LRTM2: variants seen among roughly 807,000 people sequenced by gnomAD.
LRTM2 encodes the protein leucine-rich repeat and transmembrane domain-containing protein 2.
LRTM2 carries 18 observed loss-of-function variants against 28.1 expected under a neutral mutation model. The observed-to-expected ratio is 0.64, with a 90% CI of 0.44 to 0.95. The LOEUF (loss-of-function observed/expected upper bound fraction) is 0.95, where lower values mean the gene tolerates loss of function less well. Among genes scored for constraint, LRTM2 ranks in the 40% least tolerant of loss-of-function variants. The pLI, the probability that LRTM2 is intolerant of heterozygous loss-of-function variation, is 0.00. For missense variants in LRTM2, 436 were observed against 497.2 expected, an observed-to-expected ratio of 0.88 and a Z score of 1.17; for synonymous variants, 250 against 218.7, an observed-to-expected ratio of 1.14 and a Z score of -1.26.
intron 4 of LRTM2, 101 bp downstream of exon 4, chr12:1,831,626 C>A: frequency 9.5e-7 from 1 of 1,056,618 alleles, no homozygotes; most frequent in Non-Finnish European, 1.4e-6. Flanking sequence ...GAGAGCAGGC[C>A]AGGGGAAAGA....
chr12:1,831,554 G>C (rs199876665), intron 4 of LRTM2, 29 bp downstream of exon 4: 1 of 1,568,116 alleles, frequency 6.4e-7, no homozygotes, highest in Admixed American at 1.7e-5. Flanking sequence ...GCTGGGGCCC[G>C]AGGGATTGGG....
chr12:1,831,652 C>T (rs968524561), intron 4 of LRTM2, 127 bp downstream of exon 4: 7 of 761,866 alleles, frequency 9.2e-6, no homozygotes, highest in South Asian at 9.0e-5. Context: ...GCGACCCTGC[C>T]TCTGTGCCAG....
chr12:1,834,607 C>T lies in LRTM2; in HGVS notation c.999C>T (p.Cys333=). 2 of 1,600,092 alleles carry T rather than the reference C, an allele frequency of 1.2e-6. No individual in the cohort carries two copies. Among genetic ancestry groups the T allele is most frequent in the Non-Finnish European group, 8.5e-7 (1 of 1,179,912 alleles). Reference sequence around the variant, plus strand: ...TGGTGGTGGCCGCTGCCTATGGCTGCATCTACGCCTCCCTCATGGCCAAGT... The same window carrying T: ...TGGTGGTGGCCGCTGCCTATGGCTGTATCTACGCCTCCCTCATGGCCAAGT... ...IMMVVAAAYG[C]IYASLMAKYH... The change falls in exon 5 of 5, where the codon TGC becomes TGT. Residue 333 remains cysteine (C), a synonymous_variant. Transcript: ENST00000299194. The surrounding 1 kb of genome is among the most constrained non-coding windows in gnomAD (Gnocchi z 7.6).
intron 3 of LRTM2, 80 bp from the exon 4 acceptor site, chr12:1,830,855 A>G: frequency 8.4e-7 from 1 of 1,197,018 alleles, no homozygotes. Flanking sequence ...GCCTGTTATG[A>G]GCTAGAAAGG....
chr12:1,826,786 G>C (rs1447028771), intron 1 of LRTM2, among the ~76,000 whole-genome samples: 1 of 152,224 alleles, frequency 6.6e-6, no homozygotes, highest in Non-Finnish European at 1.5e-5. Context: ...AGGGGCCGAG[G>C]GGACCAGAGG....
chr12:1,824,516 C>T (rs993045227), intron 1 of LRTM2, among the ~76,000 whole-genome samples: 1 of 152,172 alleles, frequency 6.6e-6, no homozygotes, highest in Non-Finnish European at 1.5e-5. Context: ...AGGCCTGGCC[C>T]CTTATCTTTG....
chr12:1,828,355 T>A lies in LRTM2; in HGVS notation c.67+140T>A. 2 of 721,000 alleles carry A rather than the reference T, an allele frequency of 2.8e-6. No homozygotes were observed. Among genetic ancestry groups the A allele is most frequent in the South Asian group, 2.2e-5 (1 of 44,604 alleles). The allele number at this position is 721,000 out of a possible 1,614,324, so 44.7% of individuals were successfully genotyped here. A position where few individuals can be genotyped will look rare whatever the true frequency, so the allele number is the denominator to read the frequency against. On this transcript the variant is annotated intron_variant, in intron 3 of 4. Transcript: ENST00000299194. This position sits in a 1 kb window ranked among gnomAD's most constrained non-coding sequence, Gnocchi z 4.2. The stretch of plus-strand genomic sequence containing the variant: ...CAGATCTTCCTGGGGTACCCGAGGC[T>A]ATGTTCTGGGAAGCCAGGGTCACGC...
Position 1,828,252 on chromosome 12 carries a change from T to G in LRTM2, c.67+37T>G, listed in dbSNP as rs1444052974. ...CCTGGCCTCGGAGGGGGGTGCGGGT[T>G]GGGTGGGGGTGCCGAGGTGACTGTA... On this transcript the variant is annotated intron_variant, in intron 3 of 4. Coordinates refer to ENST00000299194, the MANE Select transcript of LRTM2 (RefSeq NM_001039029.3). This position sits in a 1 kb window ranked among gnomAD's most constrained non-coding sequence, Gnocchi z 4.2. 3 of 1,492,226 alleles carry G rather than the reference T, an allele frequency of 2.0e-6. No individual in the cohort carries two copies. The highest frequency in any genetic ancestry group is 2.7e-6 in the Non-Finnish European group (3 of 1,106,950). 92.4% of individuals were successfully genotyped at this position (1,492,226 alleles called of 1,614,324 possible). A position where few individuals can be genotyped will look rare whatever the true frequency, so the allele number is the denominator to read the frequency against.
chr12:1,835,785 C>T lies in LRTM2; in HGVS notation c.*1064C>T, dbSNP rs956435072. ...CACACACCACTGGTGTTGCCTCGGT[C>T]CTGCCCACGCATCTCACAGCACCAG... On this transcript the variant is annotated 3_prime_UTR_variant, in exon 5 of 5. Transcript: ENST00000299194. The T allele has an allele frequency of 6.6e-6, 1 of 152,634 alleles. No homozygotes were observed. Among genetic ancestry groups the T allele is most frequent in the Non-Finnish European group, 1.5e-5 (1 of 68,164 alleles). The allele number at this position is 152,634 out of a possible 1,614,324, so 9.5% of individuals were successfully genotyped here.
At position 1,834,659 on chromosome 12, in the gene LRTM2, C is replaced by A; in HGVS notation, c.1051C>A (p.Pro351Thr). The part of the protein sequence containing the change: ...KYHRELKKRQ[P>T]LMGDPEGEHE... ...CCACCGGGAGCTCAAAAAGCGCCAG[C>A]CCCTGATGGGGGACCCCGAGGGCGA... Residue 351 changes from proline to threonine, a missense_variant, in exon 5 of 5, where the codon CCC becomes ACC. Coordinates refer to ENST00000299194, the MANE Select transcript of LRTM2 (RefSeq NM_001039029.3). The surrounding 1 kb of genome is among the most constrained non-coding windows in gnomAD (Gnocchi z 7.6). The A allele has an allele frequency of 6.2e-7, 1 of 1,601,460 alleles. No homozygotes were observed. The highest frequency in any genetic ancestry group is 8.5e-7 in the Non-Finnish European group (1 of 1,179,772).
At chr12:1,832,143 G>A (rs1272636684) in intron 4 of LRTM2, among the ~76,000 whole-genome samples, 2 of 152,182 alleles carry the variant, frequency 1.3e-5, no homozygotes, top group Non-Finnish European at 2.9e-5. Flanking sequence ...GTGCTGTAAT[G>A]ACCTATGACA....
intron 1 of LRTM2, among the ~76,000 whole-genome samples, chr12:1,825,600 G>T (rs1864280646): frequency 6.6e-6 from 1 of 152,208 alleles, no homozygotes; most frequent in Non-Finnish European, 1.5e-5. Context: ...AGGTGCGTGT[G>T]TGCATGTGTG....
At position 1,834,473 on chromosome 12, in the gene LRTM2, C is replaced by A; in HGVS notation, c.865C>A (p.Pro289Thr). 6.2e-7 allele frequency: 1 copy of A among 1,610,406 alleles called. No homozygotes were observed. Among genetic ancestry groups the A allele is most frequent in the Non-Finnish European group, 8.5e-7 (1 of 1,179,846 alleles). Residue 289 changes from proline (P) to threonine (T), a missense_variant, in exon 5 of 5, where the codon CCC (proline) becomes ACC (threonine). Coordinates refer to ENST00000299194, the MANE Select transcript of LRTM2 (RefSeq NM_001039029.3). This position sits in a 1 kb window ranked among gnomAD's most constrained non-coding sequence, Gnocchi z 7.6. ...PKPGAEPEPE[P>T]STACPQKQRH... is the part of the protein sequence containing the mutation. The stretch of plus-strand genomic sequence containing the variant: ...GCCCGGGGCTGAGCCGGAGCCGGAG[C>A]CCAGCACAGCCTGCCCACAGAAGCA...
Position 1,833,816 on chromosome 12 carries a change from G to C in LRTM2, c.659-451G>C, listed in dbSNP as rs994815818. ...AAGGATAAGATGCTGTGTTGAGAAC[G>C]GTATCCTGGGCTCACAGACAGGTGA... On this transcript the variant is annotated intron_variant, in intron 4 of 4. Transcript: ENST00000299194. This position sits in a 1 kb window ranked among gnomAD's most constrained non-coding sequence, Gnocchi z 4.2. 6.6e-6 allele frequency among the ~76,000 whole-genome samples: 1 copy of C among 152,128 alleles called. No homozygotes were observed. Among genetic ancestry groups the C allele is most frequent in the African/African-American group, 2.4e-5 (1 of 41,408 alleles).
chr12:1,822,359 A>G (rs1440239189), intron 1 of LRTM2, among the ~76,000 whole-genome samples: 1 of 152,106 alleles, frequency 6.6e-6, no homozygotes, highest in African/African-American at 2.4e-5. Context: ...GGGGGTGGGC[A>G]GAGGAGAAAG....
chr12:1,832,968 G>T (rs1325912235), intron 4 of LRTM2, among the ~76,000 whole-genome samples: 1 of 152,212 alleles, frequency 6.6e-6, no homozygotes, highest in Non-Finnish European at 1.5e-5. Flanking sequence ...ACTGATACGT[G>T]TTCCTGGGAT....
chr12:1,821,314 C>A (rs1864090922), intron 1 of LRTM2, among the ~76,000 whole-genome samples: 1 of 152,170 alleles, frequency 6.6e-6, no homozygotes, highest in South Asian at 2.1e-4. Flanking sequence ...GAGGCATGGG[C>A]ACAGACCCAG....
rs1041374445 is a variant in LRTM2 at position 1,833,236 on chromosome 12, A to G, written c.659-1031A>G. Reference sequence around the variant, plus strand: ...CCTATTGTATGAGGAGACTTGCGGCAGATGGGCTGCAGAGGGAGCTGCCAG... The same window carrying G: ...CCTATTGTATGAGGAGACTTGCGGCGGATGGGCTGCAGAGGGAGCTGCCAG... On this transcript the variant is annotated intron_variant, in intron 4 of 4. Coordinates refer to ENST00000299194, the MANE Select transcript of LRTM2 (RefSeq NM_001039029.3). This position sits in a 1 kb window ranked among gnomAD's most constrained non-coding sequence, Gnocchi z 4.2. 1.2e-4 allele frequency among the ~76,000 whole-genome samples: 19 copies of G among 152,234 alleles called. No individual in the cohort carries two copies. Among genetic ancestry groups the G allele is most frequent in the African/African-American group, 4.1e-4 (17 of 41,464 alleles).
Position 1,834,601 on chromosome 12 carries a change from T to C in LRTM2, c.993T>C (p.Tyr331=). 1 of 1,600,196 alleles carries C rather than the reference T, an allele frequency of 6.2e-7. No homozygotes were observed. The highest frequency in any genetic ancestry group is 1.7e-5 in the Admixed American group (1 of 60,014). The change falls in exon 5 of 5, where the codon TAT becomes TAC. Residue 331 remains tyrosine (Y), a synonymous_variant. Coordinates refer to ENST00000299194, the MANE Select transcript of LRTM2 (RefSeq NM_001039029.3). The surrounding 1 kb of genome is among the most constrained non-coding windows in gnomAD (Gnocchi z 7.6). ...TCATGATGGTGGTGGCCGCTGCCTA[T>C]GGCTGCATCTACGCCTCCCTCATGG... The part of the protein sequence containing the change: ...VCIMMVVAAA[Y]GCIYASLMAK...
Sources: allele counts gnomAD v4.1 joint callset (sites outside exome capture counted in the v4.1 genomes callset), GRCh38; gene constraint gnomAD v4.1.1; non-coding constraint Gnocchi (gnomAD v3.1); transcripts MANE v1.5; gene names NCBI Gene and HGNC (gene_info 2026-07-23, HGNC 2026-07-21).